The following SSH2 variants were observed in gnomAD, a reference collection of about 807,000 sequenced individuals.
SSH2 encodes protein phosphatase Slingshot homolog 2.
A neutral mutation model predicts 135.2 loss-of-function variants in SSH2; 37 were observed. That is an observed-to-expected ratio of 0.27 (90% CI 0.21 to 0.36). SSH2 has a LOEUF of 0.36. SSH2 is among the 10% of genes least tolerant of loss of function. The probability of loss-of-function intolerance (pLI) is 1.00; values close to 1 mark genes in which losing one functional copy is unlikely to be tolerated. For missense variants in SSH2, 1,408 were observed against 1,765.3 expected (o/e 0.80, Z 3.63); for synonymous variants, 628 against 646.2 (o/e 0.97, Z 0.43).
chr17:29,823,751 T>TTC (rs1486731205), intron 2 of SSH2, among the ~76,000 whole-genome samples: 1 of 151,896 alleles, frequency 6.6e-6, no homozygotes, highest in Non-Finnish European at 1.5e-5. Context: ...TGGTGACGCG[T>TTC]TCCTGTAATC....
At chr17:29,709,052 A>AGAGAGAGAGAGAGAGAGAGAGAGAGC (rs1491229455) in intron 3 of SSH2, among the ~76,000 whole-genome samples, 2 of 144,602 alleles carry the variant, frequency 1.4e-5, no homozygotes, top group African/African-American at 5.1e-5. Context: ...AGAGAGAGAG[A>AGAGAGAGAGAGAGAGAGAGAGAGAGC]GCTAATAATA....
At chr17:29,659,663 A>G (rs140878043) in intron 11 of SSH2, among the ~76,000 whole-genome samples, 6 of 152,198 alleles carry the variant, frequency 3.9e-5, no homozygotes, top group African/African-American at 1.4e-4. Context: ...AGCTGGGACT[A>G]CAGGCGCATG....
intron 15 of SSH2, among the ~76,000 whole-genome samples, chr17:29,634,709 C>T (rs1468266993): frequency 5.3e-5 from 8 of 152,010 alleles, no homozygotes; most frequent in Admixed American, 2.6e-4. Context: ...CGCGCCACCA[C>T]GCCCAGCTCA....
At chr17:29,766,567 T>C (rs1403851421) in intron 3 of SSH2, among the ~76,000 whole-genome samples, 3 of 152,280 alleles carry the variant, frequency 2.0e-5, no homozygotes, top group African/African-American at 7.2e-5. Context: ...CCAGGTAGTT[T>C]TACATTAACT....
At chr17:29,649,564 A>T (rs983170539) in intron 13 of SSH2, among the ~76,000 whole-genome samples, 21 of 151,544 alleles carry the variant, frequency 1.4e-4, no homozygotes, top group African/African-American at 2.4e-4. Flanking sequence ...TTAAAAAAAA[A>T]TTTTTTTTTG....
Position 29,913,358 on chromosome 17 carries a change from A to AAAAT in SSH2, c.63+16579_63+16580insATTT, listed in dbSNP as rs1567650109. Among the ~76,000 whole-genome samples, 26 of 80,248 alleles carry AAAAT rather than the reference A, an allele frequency of 3.2e-4. 5 individuals carry two copies. Among genetic ancestry groups the AAAAT allele is most frequent in the Non-Finnish European group, 4.5e-4 (19 of 41,770 alleles). 52.6% of individuals were successfully genotyped at this position (80,248 alleles called of 152,430 possible). On this transcript the variant is annotated intron_variant, in intron 1 of 15. Coordinates refer to ENST00000540801, the MANE Select transcript of SSH2 (RefSeq NM_001282129.2). ...AAAAAAAAAAAAAAAATATATATAT[A>AAAAT]TATATATATATATATATATATATAT... is the stretch of plus-strand genomic sequence containing the variant.
At chr17:29,707,623 T>G (rs541602643) in intron 3 of SSH2, among the ~76,000 whole-genome samples, 2 of 151,934 alleles carry the variant, frequency 1.3e-5, no homozygotes, top group East Asian at 3.9e-4. Context: ...CCTCCTGGGC[T>G]CAAACGATTC....
intron 3 of SSH2, among the ~76,000 whole-genome samples, chr17:29,759,382 C>A (rs1266994154): frequency 6.6e-6 from 1 of 152,134 alleles, no homozygotes; most frequent in African/African-American, 2.4e-5. Context: ...GTAAAAGTAA[C>A]TGCAGTTTTT....
At chr17:29,867,111 A>G (rs894034207) in intron 1 of SSH2, among the ~76,000 whole-genome samples, 1 of 152,004 alleles carries the variant, frequency 6.6e-6, no homozygotes, top group African/African-American at 2.4e-5. Flanking sequence ...TGCTGGGATT[A>G]CAGGCATAAG....
chr17:29,721,574 T>C (rs1407015429), intron 3 of SSH2, among the ~76,000 whole-genome samples: 1 of 152,194 alleles, frequency 6.6e-6, no homozygotes, highest in African/African-American at 2.4e-5. Flanking sequence ...TCCTGCAGAC[T>C]TCCTAAGTCA....
intron 11 of SSH2, among the ~76,000 whole-genome samples, chr17:29,666,575 CG>C (rs1555607579): frequency 6.6e-6 from 1 of 151,966 alleles, no homozygotes; most frequent in Non-Finnish European, 1.5e-5. Flanking sequence ...CCCAGCTACT[CG>C]GGAGGCTGAG....
At chr17:29,691,737 G>A (rs1567883617) in intron 5 of SSH2, among the ~76,000 whole-genome samples, 3 of 151,790 alleles carry the variant, frequency 2.0e-5, no homozygotes, top group Non-Finnish European at 4.4e-5. Context: ...TGATCCACCC[G>A]CCTCGGCCTC....
intron 3 of SSH2, among the ~76,000 whole-genome samples, chr17:29,714,744 T>A (rs1456775121): frequency 6.6e-6 from 1 of 152,224 alleles, no homozygotes; most frequent in African/African-American, 2.4e-5. Context: ...ATGGACTTAA[T>A]TTCAGAAATT....
intron 3 of SSH2, among the ~76,000 whole-genome samples, chr17:29,743,900 T>TTTTTTCC: frequency 1.5e-5 from 2 of 133,952 alleles, no homozygotes; most frequent in African/African-American, 6.5e-5. Context: ...TTCTTTTTTC[T>TTTTTTCC]TTTTTCCTTT....
intron 12 of SSH2, among the ~76,000 whole-genome samples, chr17:29,651,059 A>C (rs1479399852): frequency 6.6e-6 from 1 of 152,220 alleles, no homozygotes; most frequent in Admixed American, 6.5e-5. Context: ...TTCCATTTTC[A>C]GTTTATGTAG....
chr17:29,630,150 G>T lies in SSH2; in HGVS notation c.*691C>A, dbSNP rs966018810. On this transcript the variant is annotated 3_prime_UTR_variant, in exon 16 of 16. Transcript: ENST00000540801. ...TCTTATCATGCTTTCCTCTACAGAA[G>T]ACCACTTGGATTTCATTTGGGGTCC... 1 of 152,168 alleles carries T rather than the reference G, an allele frequency of 6.6e-6. No homozygotes were observed. Among genetic ancestry groups the T allele is most frequent in the Admixed American group, 6.5e-5 (1 of 15,274 alleles). 9.4% of individuals were successfully genotyped at this position (152,168 alleles called of 1,614,324 possible). A position where few individuals can be genotyped will look rare whatever the true frequency, so the allele number is the denominator to read the frequency against.
intron 3 of SSH2, among the ~76,000 whole-genome samples, chr17:29,710,608 T>C (rs2039399080): frequency 1.3e-5 from 2 of 152,308 alleles, no homozygotes; most frequent in South Asian, 4.1e-4. Context: ...TCAACCCCAC[T>C]AGGTGGAAAG....
At chr17:29,779,047 G>A (rs1015522674) in intron 3 of SSH2, among the ~76,000 whole-genome samples, 1 of 151,900 alleles carries the variant, frequency 6.6e-6, no homozygotes, top group Non-Finnish European at 1.5e-5. Context: ...ATCTAGGGGG[G>A]AAAAGTAAAA....
intron 1 of SSH2, among the ~76,000 whole-genome samples, chr17:29,929,649 G>C (rs1028528456): frequency 6.6e-6 from 1 of 152,134 alleles, no homozygotes; most frequent in Non-Finnish European, 1.5e-5. Flanking sequence ...AAGCAAGAAT[G>C]ACTCATTACC....
Sources: allele counts gnomAD v4.1 joint callset (sites outside exome capture counted in the v4.1 genomes callset), GRCh38; gene constraint gnomAD v4.1.1; transcripts MANE v1.5; gene names NCBI Gene and HGNC (gene_info 2026-07-23, HGNC 2026-07-21).